ERBB4: variants seen among roughly 807,000 people sequenced by gnomAD.
ERBB4 encodes receptor tyrosine-protein kinase erbB-4.
A neutral mutation model predicts 158.0 loss-of-function variants in ERBB4; 42 were observed. The observed-to-expected ratio is 0.27, with a 90% CI of 0.21 to 0.34. The LOEUF is 0.34. Ranked by LOEUF, ERBB4 falls within the 10% of genes least tolerant of loss-of-function variation. The probability of loss-of-function intolerance (pLI) is 1.00; values close to 1 mark genes in which losing one functional copy is unlikely to be tolerated. For synonymous variants in ERBB4, 583 were observed against 558.7 expected (o/e 1.04, Z -0.61); for missense variants, 1,333 against 1,624.1 (o/e 0.82, Z 3.08).
intron 25 of ERBB4, among the ~76,000 whole-genome samples, chr2:211,419,255 T>G (rs1452390294): frequency 6.6e-6 from 1 of 152,054 alleles, no homozygotes; most frequent in Non-Finnish European, 1.5e-5. Context: ...TTTCTTCCTT[T>G]GAAAGAAGGG....
chr2:211,675,294 G>C (rs1344260021), intron 13 of ERBB4, among the ~76,000 whole-genome samples: 1 of 152,188 alleles, frequency 6.6e-6, no homozygotes, highest in Non-Finnish European at 1.5e-5. Context: ...CTGTGATCAA[G>C]AGTGAATACT....
At chr2:212,508,999 C>T (rs562160236) in intron 1 of ERBB4, among the ~76,000 whole-genome samples, 2 of 152,112 alleles carry the variant, frequency 1.3e-5, no homozygotes, top group Admixed American at 1.3e-4. Context: ...TTCTAATGTC[C>T]TTAAGACTTA....
At position 211,714,678 on chromosome 2, in the gene ERBB4, C is replaced by T. The variant is rs141803207; in HGVS notation, c.884-1030G>A. The stretch of plus-strand genomic sequence containing the variant: ...ACACCATTTAATAAACAGCTTTTGA[C>T]ATGCTTCTGGGTCCTGGTAGAGATG... On this transcript the variant is annotated intron_variant, in intron 7 of 27. Transcript: ENST00000342788. Among the ~76,000 whole-genome samples the T allele has an allele frequency of 3.9e-5, 6 of 152,312 alleles. No individual in the cohort carries two copies. The East Asian group carries it at 7.7e-4, about 20-fold the overall frequency.
At chr2:211,810,812 A>G (rs1255399779) in intron 3 of ERBB4, among the ~76,000 whole-genome samples, 1 of 151,886 alleles carries the variant, frequency 6.6e-6, no homozygotes, top group Non-Finnish European at 1.5e-5. Context: ...AGCTGGGACT[A>G]CAGGCGCCCG....
intron 20 of ERBB4, among the ~76,000 whole-genome samples, chr2:211,530,497 A>G (rs11674732): frequency 6.6e-6 from 1 of 152,048 alleles, no homozygotes; most frequent in African/African-American, 2.4e-5. Context: ...GGAAGAAACA[A>G]TCTTAAAATT....
chr2:212,456,746 T>C (rs1383453972), intron 1 of ERBB4, among the ~76,000 whole-genome samples: 1 of 151,950 alleles, frequency 6.6e-6, no homozygotes, highest in Non-Finnish European at 1.5e-5. Flanking sequence ...TTTTTATCAA[T>C]TTATATAAAA....
chr2:211,944,805 G>T (rs953099820), intron 3 of ERBB4, among the ~76,000 whole-genome samples: 1 of 152,084 alleles, frequency 6.6e-6, no homozygotes, highest in African/African-American at 2.4e-5. Flanking sequence ...GTAGGTTTCA[G>T]GTGAGGCCCA....
chr2:211,586,504 A>G (rs1004278046), intron 19 of ERBB4, among the ~76,000 whole-genome samples: 10 of 152,148 alleles, frequency 6.6e-5, no homozygotes, highest in East Asian at 1.9e-4. Flanking sequence ...GGTTCCTGCC[A>G]TATCTTGTAG....
intron 20 of ERBB4, among the ~76,000 whole-genome samples, chr2:211,540,205 T>TATATATATATACACAC (rs60602351): frequency 6.8e-6 from 1 of 147,766 alleles, no homozygotes; most frequent in East Asian, 2.0e-4. Context: ...TATATATATA[T>TATATATATATACACAC]ACACACACAC....
At chr2:211,468,820 G>A (rs1214459491) in intron 20 of ERBB4, among the ~76,000 whole-genome samples, 1 of 111,312 alleles carries the variant, frequency 9.0e-6, no homozygotes, top group Non-Finnish European at 1.9e-5. Context: ...CCTGTGTAAT[G>A]TGGATCCTGC....
intron 4 of ERBB4, among the ~76,000 whole-genome samples, chr2:211,783,962 A>C (rs537206627): frequency 3.0e-4 from 45 of 152,160 alleles, no homozygotes; most frequent in Non-Finnish European, 5.4e-4. Flanking sequence ...TCCTCCTTGT[A>C]CCTCTGGTAG....
At chr2:212,204,900 C>A (rs1463568328) in intron 1 of ERBB4, among the ~76,000 whole-genome samples, 1 of 146,484 alleles carries the variant, frequency 6.8e-6, no homozygotes, top group Non-Finnish European at 1.5e-5. Flanking sequence ...CTCACCACAA[C>A]CTCTGCCTCC....
At chr2:211,415,126 T>G in intron 25 of ERBB4, among the ~76,000 whole-genome samples, 1 of 128,866 alleles carries the variant, frequency 7.8e-6, no homozygotes, top group Non-Finnish European at 1.7e-5. Flanking sequence ...TTTTTTTTTT[T>G]TTTTTTTTGA....
At chr2:212,045,919 A>G (rs75760397) in intron 2 of ERBB4, among the ~76,000 whole-genome samples, 7,626 of 152,280 alleles carry the variant, frequency 0.05, 241 homozygotes, top group South Asian at 0.1. Flanking sequence ...CTCTAAGCAC[A>G]AGGACAGAGA....
intron 19 of ERBB4, among the ~76,000 whole-genome samples, chr2:211,582,246 C>T (rs2068127102): frequency 6.6e-6 from 1 of 152,180 alleles, no homozygotes; most frequent in Admixed American, 6.5e-5. Context: ...CGGCTTTCAT[C>T]TGTGGAGGAC....
intron 2 of ERBB4, among the ~76,000 whole-genome samples, chr2:212,029,352 G>A (rs1402718): frequency 0.67 from 102,134 of 151,776 alleles, 35,256 homozygotes; most frequent in East Asian, 0.93. Context: ...AAATTCTTTC[G>A]TGGGCTAAGC....
intron 2 of ERBB4, among the ~76,000 whole-genome samples, chr2:212,075,003 T>C (rs2078232424): frequency 6.6e-6 from 1 of 151,952 alleles, no homozygotes. Flanking sequence ...CCTAGCTAAA[T>C]TGTAGAACTA....
At chr2:211,861,750 C>T (rs983888325) in intron 3 of ERBB4, among the ~76,000 whole-genome samples, 1 of 151,980 alleles carries the variant, frequency 6.6e-6, no homozygotes, top group Non-Finnish European at 1.5e-5. Flanking sequence ...AGGCTTGGAA[C>T]AACAAGGAAG....
At chr2:211,468,201 G>C (rs1450947160) in intron 20 of ERBB4, among the ~76,000 whole-genome samples, 1 of 152,098 alleles carries the variant, frequency 6.6e-6, no homozygotes, top group Non-Finnish European at 1.5e-5. Context: ...AGAGAGCAAA[G>C]GTCTAGTAAT....
Sources: allele counts gnomAD v4.1 joint callset (sites outside exome capture counted in the v4.1 genomes callset), GRCh38; gene constraint gnomAD v4.1.1; transcripts MANE v1.5; gene names NCBI Gene and HGNC (gene_info 2026-07-23, HGNC 2026-07-21).